The following TCF12 variants were observed in gnomAD, a reference collection of about 807,000 sequenced individuals.
The protein encoded by TCF12 is DNA-binding protein HTF4.
A neutral mutation model predicts 86.0 loss-of-function variants in TCF12; 45 were observed. That is an observed-to-expected ratio of 0.52 (90% CI 0.41 to 0.67). TCF12 has a LOEUF of 0.67. Among genes scored for constraint, TCF12 ranks in the 30% least tolerant of loss-of-function variants. The pLI, the probability that TCF12 is intolerant of heterozygous loss-of-function variation, is 0.00. For synonymous variants in TCF12, 330 were observed against 299.6 expected (o/e 1.10, Z -1.05); for missense variants, 881 against 859.9 (o/e 1.02, Z -0.31).
intron 5 of TCF12, among the ~76,000 whole-genome samples, chr15:57,120,946 A>C (rs777447211): frequency 1.3e-5 from 2 of 152,136 alleles, no homozygotes; most frequent in African/African-American, 4.8e-5. Flanking sequence ...GCACCTCTGC[A>C]CTCTAGCCTG....
chr15:57,237,665 T>G (rs947075526), intron 12 of TCF12, among the ~76,000 whole-genome samples: 2 of 152,212 alleles, frequency 1.3e-5, no homozygotes, highest in Non-Finnish European at 2.9e-5. Flanking sequence ...GTAACTGATT[T>G]TGTTCTTCTT....
At chr15:57,187,215 T>C (rs2056724357) in intron 6 of TCF12, among the ~76,000 whole-genome samples, 2 of 151,676 alleles carry the variant, frequency 1.3e-5, no homozygotes, top group African/African-American at 4.8e-5. Flanking sequence ...CAACACTCTT[T>C]CATGATGATA....
In TCF12 at chr15:57,020,968, G is replaced by A. The variant is rs541671567; in HGVS notation, c.149-42782G>A. ...ATTATATGAGATAGATGAAGAGGGT[G>A]AGACATATCACCTTTTTTTAGACTT... On this transcript the variant is annotated intron_variant, in intron 3 of 20. Transcript: ENST00000333725. Among the ~76,000 whole-genome samples the A allele has an allele frequency of 3.3e-5, 5 of 152,240 alleles. No homozygotes were observed. In the South Asian group the frequency reaches 1.0e-3, roughly 32 times the overall value.
chr15:57,122,402 CT>C (rs1170643305), intron 5 of TCF12, among the ~76,000 whole-genome samples: 3 of 152,100 alleles, frequency 2.0e-5, no homozygotes, highest in Non-Finnish European at 4.4e-5. Flanking sequence ...ATACTAGTAA[CT>C]ACAGTTTGTT....
chr15:57,104,495 G>A (rs1410367955), intron 5 of TCF12, among the ~76,000 whole-genome samples: 1 of 133,344 alleles, frequency 7.5e-6, no homozygotes, highest in African/African-American at 2.7e-5. Flanking sequence ...AGGCTGGAGT[G>A]CAGTGGAGCG....
intron 16 of TCF12, among the ~76,000 whole-genome samples, 193 bp downstream of exon 16, chr15:57,253,661 A>G (rs544185948): frequency 6.6e-6 from 1 of 152,320 alleles, no homozygotes; most frequent in Admixed American, 6.5e-5. Context: ...ACCTTGTGCA[A>G]AAAGCATAAG....
chr15:57,206,008 T>C (rs899664742), intron 8 of TCF12, among the ~76,000 whole-genome samples: 1 of 152,036 alleles, frequency 6.6e-6, no homozygotes, highest in Admixed American at 6.6e-5. Context: ...TACAGGTAGC[T>C]TTTAAGGTTT....
intron 3 of TCF12, among the ~76,000 whole-genome samples, chr15:56,984,677 C>G (rs2063096454): frequency 6.6e-6 from 1 of 152,046 alleles, no homozygotes; most frequent in African/African-American, 2.4e-5. Flanking sequence ...TTTTACCTTG[C>G]CTGTTAAAAA....
At chr15:56,992,120 A>C (rs79504831) in intron 3 of TCF12, among the ~76,000 whole-genome samples, 1 of 151,140 alleles carries the variant, frequency 6.6e-6, no homozygotes, top group African/African-American at 2.4e-5. Context: ...AAAAAAAAAA[A>C]CCTAGTTGGG....
At position 57,263,154 on chromosome 15, in the gene TCF12, T is replaced by C; in HGVS notation, c.1625T>C (p.Ile542Thr). 6.2e-7 allele frequency: 1 copy of C among 1,613,076 alleles called. No individual in the cohort carries two copies. Among genetic ancestry groups the C allele is most frequent in the Non-Finnish European group, 8.5e-7 (1 of 1,179,680 alleles). Residue 542 changes from isoleucine to threonine, a missense_variant, in exon 18 of 21, where the codon ATC (isoleucine) becomes ACC (threonine). Physicochemically the swap from Ile to Thr is moderately conservative, Grantham distance 89 (BLOSUM62 -1). Coordinates refer to ENST00000333725, the MANE Select transcript of TCF12 (RefSeq NM_207037.2). ...TCTGGAACTGTTGTTACAACAGAAATCAAGACTGAAAACAAAGAAAAGGAT... is the reference window on the plus strand; with the variant it reads ...TCTGGAACTGTTGTTACAACAGAAACCAAGACTGAAAACAAAGAAAAGGAT... Reference protein sequence around the residue: ...SQSGTVVTTEIKTENKEKDEN... With the variant: ...SQSGTVVTTETKTENKEKDEN...
intron 3 of TCF12, among the ~76,000 whole-genome samples, chr15:56,999,931 G>C (rs1056972563): frequency 1.2e-4 from 18 of 152,056 alleles, no homozygotes; most frequent in African/African-American, 4.3e-4. Flanking sequence ...AAACTCCTGA[G>C]CTCAAGTGAT....
At chr15:57,082,682 A>C (rs1183545089) in intron 4 of TCF12, among the ~76,000 whole-genome samples, 3 of 152,210 alleles carry the variant, frequency 2.0e-5, no homozygotes, top group African/African-American at 7.2e-5. Context: ...TGGAGCTTTC[A>C]TGATGCAGCA....
chr15:57,092,605 AT>A (rs376553223), intron 5 of TCF12, among the ~76,000 whole-genome samples: 18 of 150,714 alleles, frequency 1.2e-4, no homozygotes, highest in Admixed American at 3.3e-4. Flanking sequence ...TTTGAATACC[AT>A]TTTTTTTTGT....
chr15:57,038,802 C>T (rs2141424571), intron 3 of TCF12, among the ~76,000 whole-genome samples: 1 of 152,238 alleles, frequency 6.6e-6, no homozygotes, highest in East Asian at 1.9e-4. Context: ...TTAGCTAGTC[C>T]TTGTTCCAAG....
At chr15:57,018,686 C>G (rs1461074705) in intron 3 of TCF12, among the ~76,000 whole-genome samples, 1 of 152,102 alleles carries the variant, frequency 6.6e-6, no homozygotes, top group Non-Finnish European at 1.5e-5. Flanking sequence ...AGCACTCCAC[C>G]TGCCTTGGCC....
At chr15:57,273,396 G>GT in intron 19 of TCF12, 134 bp downstream of exon 19, 1 of 870,882 alleles carries the variant, frequency 1.1e-6, no homozygotes, top group Non-Finnish European at 1.8e-6. Context: ...CATCAGGGTC[G>GT]TTTTTCCTGT....
In TCF12 at chr15:57,081,940, T is replaced by C. The variant is rs2243575; in HGVS notation, c.223-9849T>C. ...GGATGAGTGAAGATTCGGTAATATA[T>C]TCCTGGAAGGAACCACTGATCTATC... On this transcript the variant is annotated intron_variant, in intron 4 of 20. Coordinates refer to ENST00000333725, the MANE Select transcript of TCF12 (RefSeq NM_207037.2). Among the ~76,000 whole-genome samples the C allele has an allele frequency of 8.4e-3, 1,286 of 152,284 alleles. 26 individuals carry two copies. The highest frequency in any genetic ancestry group is 0.029 in the African/African-American group (1,218 of 41,554).
intron 3 of TCF12, among the ~76,000 whole-genome samples, chr15:56,997,675 G>A (rs1420661202): frequency 1.3e-5 from 2 of 152,068 alleles, no homozygotes; most frequent in African/African-American, 2.4e-5. Context: ...GGGAAACAGG[G>A]ATTAATGAGA....
intron 3 of TCF12, among the ~76,000 whole-genome samples, chr15:57,015,433 A>C (rs2065097327): frequency 6.6e-6 from 1 of 152,160 alleles, no homozygotes. Flanking sequence ...TTCCATGCAA[A>C]ATAGCTGTCA....
Sources: gnomAD v4.1 joint callset for allele counts (sites outside exome capture counted in the v4.1 genomes callset) on GRCh38, gnomAD v4.1.1 for gene constraint, MANE v1.5 for transcripts, NCBI Gene and HGNC (gene_info 2026-07-23, HGNC 2026-07-21) for gene names.